ARHGAP6: variants seen among roughly 807,000 people sequenced by gnomAD.
ARHGAP6 encodes the protein Rho GTPase activating protein 6.
ARHGAP6 carries 16 observed loss-of-function variants against 55.7 expected under a neutral mutation model. The observed-to-expected ratio is 0.29, with a 90% CI of 0.19 to 0.44. ARHGAP6 has a LOEUF of 0.44. Ranked by LOEUF, ARHGAP6 falls within the 20% of genes least tolerant of loss-of-function variation. The pLI, the probability that ARHGAP6 is intolerant of heterozygous loss-of-function variation, is 1.00. For missense variants in ARHGAP6, 698 were observed against 808.9 expected, an observed-to-expected ratio of 0.86 and a Z score of 1.66; for synonymous variants, 382 against 360.9, an observed-to-expected ratio of 1.06 and a Z score of -0.66.
At chrX:11,464,403 G>A (rs2050273889) in intron 1 of ARHGAP6, among the ~76,000 whole-genome samples, 1 of 112,013 alleles carries the variant, frequency 8.9e-6, no homozygotes, top group South Asian at 3.7e-4. Flanking sequence ...CTAAGTCACA[G>A]ATAAACAAGG....
chrX:11,417,301 T>A (rs1320067606), intron 1 of ARHGAP6, among the ~76,000 whole-genome samples: 1 of 105,978 alleles, frequency 9.4e-6, no homozygotes, highest in African/African-American at 3.5e-5. Context: ...ATGGAGACAG[T>A]TCAGTGGTAG....
intron 1 of ARHGAP6, among the ~76,000 whole-genome samples, chrX:11,402,985 C>T (rs1206304882): frequency 2.7e-5 from 3 of 112,303 alleles, no homozygotes; most frequent in Non-Finnish European, 5.6e-5. Flanking sequence ...CTGCCTTCAT[C>T]TTCTTCGAAA....
In ARHGAP6 at chrX:11,299,634, A is replaced by G. The variant is rs140683312; in HGVS notation, c.589-44927T>C. 3.7e-3 allele frequency among the ~76,000 whole-genome samples: 420 copies of G among 112,494 alleles called. 2 individuals carry two copies. The highest frequency in any genetic ancestry group is 0.013 in the African/African-American group (396 of 31,005). On this transcript the variant is annotated intron_variant, in intron 1 of 12. Transcript: ENST00000337414. Reference sequence around the variant, plus strand: ...CTCTTACAAATGAATGGGAATAGTCAACAAAACAAACTTAATCTACATCCA... The same window carrying G: ...CTCTTACAAATGAATGGGAATAGTCGACAAAACAAACTTAATCTACATCCA...
At chrX:11,287,538 A>C (rs2047936095) in intron 1 of ARHGAP6, among the ~76,000 whole-genome samples, 1 of 112,122 alleles carries the variant, frequency 8.9e-6, no homozygotes, top group South Asian at 3.7e-4. Context: ...AGTGGATACA[A>C]ATGCTCAGTG....
At chrX:11,231,557 CTGATGTT>C (rs1363452535) in intron 2 of ARHGAP6, among the ~76,000 whole-genome samples, 2 of 112,266 alleles carry the variant, frequency 1.8e-5, no homozygotes, top group East Asian at 5.6e-4. Flanking sequence ...TCTCATTTCC[CTGATGTT>C]AAAATTTCAT....
intron 1 of ARHGAP6, among the ~76,000 whole-genome samples, chrX:11,657,977 G>A (rs1390196741): frequency 1.8e-5 from 2 of 112,056 alleles, no homozygotes; most frequent in East Asian, 2.8e-4. Flanking sequence ...GTTTCAGTAC[G>A]TAATCAGGAT....
chrX:11,647,692 G>C (rs1214480104), intron 1 of ARHGAP6, among the ~76,000 whole-genome samples: 1 of 112,113 alleles, frequency 8.9e-6, no homozygotes, highest in Admixed American at 9.5e-5. Flanking sequence ...GAGAATGTGG[G>C]CTGATTGGGT....
rs1352946873 is a variant in ARHGAP6, at chrX:11,648,363, A to C, written c.588+15878T>G. 2.7e-5 allele frequency among the ~76,000 whole-genome samples: 3 copies of C among 112,076 alleles called. No homozygotes were observed. In the Admixed American group the frequency reaches 2.8e-4, roughly 11 times the overall value. On this transcript the variant is annotated intron_variant, in intron 1 of 12. Coordinates refer to ENST00000337414, the MANE Select transcript of ARHGAP6 (RefSeq NM_013427.3). ...GCCCCAGTAATAAACCTGTTGCCAA[A>C]GTTTGTTTCTTAGTTCCCATGAATG...
intron 1 of ARHGAP6, among the ~76,000 whole-genome samples, chrX:11,634,543 G>A (rs2052397106): frequency 9.0e-6 from 1 of 111,605 alleles, no homozygotes. Flanking sequence ...GTTCACTTTA[G>A]TGGTAGTCAT....
intron 1 of ARHGAP6, among the ~76,000 whole-genome samples, chrX:11,518,044 A>C (rs1475758012): frequency 2.7e-5 from 3 of 111,917 alleles, no homozygotes; most frequent in Non-Finnish European, 3.8e-5. Context: ...CAAATACCTT[A>C]ACCTAACATT....
rs1433681563 is a variant in ARHGAP6, at chrX:11,430,163, T to C, written c.589-175456A>G. Among the ~76,000 whole-genome samples the C allele has an allele frequency of 9.8e-5, 11 of 112,407 alleles. No individual in the cohort carries two copies. The Admixed American group carries it at 1.0e-3, about 11-fold the overall frequency. On this transcript the variant is annotated intron_variant, in intron 1 of 12. Coordinates refer to ENST00000337414, the MANE Select transcript of ARHGAP6 (RefSeq NM_013427.3). ...CTTTTGATCATTACCCCTGAGTAAG[T>C]CACCTCTTAAAACTGGGTCATCCTG...
At position 11,254,780 on chromosome X, in the gene ARHGAP6, C is replaced by T. The variant is rs2047472220; in HGVS notation, c.589-73G>A. The T allele has an allele frequency of 4.9e-6, 5 of 1,024,409 alleles. No homozygotes were observed. In the East Asian group the frequency reaches 1.7e-4, roughly 35 times the overall value. 84.4% of individuals were successfully genotyped at this position (1,024,409 alleles called of 1,213,427 possible). A position where few individuals can be genotyped will look rare whatever the true frequency, so the allele number is the denominator to read the frequency against. ...TCACTTACCTCTCACAAATCTCATC[C>T]TCTCTTAGTAATAAAGTCAAGCAAA... On this transcript the variant is annotated intron_variant, in intron 1 of 12. Coordinates refer to ENST00000337414, the MANE Select transcript of ARHGAP6 (RefSeq NM_013427.3).
At chrX:11,217,466 C>A (rs1417664219) in intron 2 of ARHGAP6, among the ~76,000 whole-genome samples, 1 of 112,364 alleles carries the variant, frequency 8.9e-6, no homozygotes, top group Non-Finnish European at 1.9e-5. Flanking sequence ...TAATGACCAG[C>A]AATGACAAGC....
At chrX:11,606,225 G>A (rs999889887) in intron 1 of ARHGAP6, among the ~76,000 whole-genome samples, 1 of 111,939 alleles carries the variant, frequency 8.9e-6, no homozygotes, top group Non-Finnish European at 1.9e-5. Flanking sequence ...ACTTGGACTG[G>A]ATAGGAAGTG....
At chrX:11,253,241 C>T (rs2047446133) in intron 2 of ARHGAP6, among the ~76,000 whole-genome samples, 1 of 110,842 alleles carries the variant, frequency 9.0e-6, no homozygotes, top group Non-Finnish European at 1.9e-5. Context: ...GCCAGATGTC[C>T]CCAGGGCATG....
intron 1 of ARHGAP6, among the ~76,000 whole-genome samples, chrX:11,347,250 T>C (rs770614762): frequency 1.2e-4 from 14 of 112,376 alleles, no homozygotes; most frequent in Middle Eastern, 4.7e-3. Flanking sequence ...TAATTACTTC[T>C]ATAGGGAGTA....
chrX:11,651,042 CTGT>C (rs2052578192), intron 1 of ARHGAP6, among the ~76,000 whole-genome samples: 2 of 112,211 alleles, frequency 1.8e-5, no homozygotes, highest in Non-Finnish European at 3.8e-5. Flanking sequence ...AAAACTGTAT[CTGT>C]CTTTGAGCTC....
At chrX:11,274,249 T>C (rs956092895) in intron 1 of ARHGAP6, among the ~76,000 whole-genome samples, 1 of 112,033 alleles carries the variant, frequency 8.9e-6, no homozygotes, top group Non-Finnish European at 1.9e-5. Context: ...TTCTAACACA[T>C]TGACTGAGGC....
At chrX:11,457,872 T>A (rs1679381319) in intron 1 of ARHGAP6, among the ~76,000 whole-genome samples, 2 of 112,336 alleles carry the variant, frequency 1.8e-5, no homozygotes, top group African/African-American at 6.5e-5. Context: ...ACATAGCTTC[T>A]ATTAGCTTTC....
Sources: gnomAD v4.1 joint callset for allele counts (sites outside exome capture counted in the v4.1 genomes callset) on GRCh38, gnomAD v4.1.1 for gene constraint, MANE v1.5 for transcripts, NCBI Gene and HGNC (gene_info 2026-07-23, HGNC 2026-07-21) for gene names.